SFT2D2: variants seen among roughly 807,000 people sequenced by gnomAD.
SFT2D2 encodes SFT2 domain containing 2, also known as vesicle transport protein SFT2B.
A neutral mutation model predicts 27.4 loss-of-function variants in SFT2D2; 21 were observed. The ratio of observed to expected loss-of-function variants is 0.77; its 90% CI spans 0.54 to 1.10. The LOEUF is 1.10. Ranked by LOEUF, SFT2D2 falls within the 50% of genes least tolerant of loss-of-function variation. The pLI is 0.00. For missense variants in SFT2D2, 187 were observed against 194.2 expected (o/e 0.96, Z 0.22); for synonymous variants, 72 against 71.7 (o/e 1.00, Z -0.02).
At chr1:168,240,957 C>A (rs1041143469) in intron 7 of SFT2D2, among the ~76,000 whole-genome samples, 4 of 152,146 alleles carry the variant, frequency 2.6e-5, no homozygotes, top group Non-Finnish European at 5.9e-5. Context: ...CAAATCAAGG[C>A]ATTAAACCCA....
In SFT2D2 at chr1:168,226,050, G is replaced by T; in HGVS notation, c.-30G>T. ...AGCGAGCGCAACAGGCTGCCGCTGA[G>T]GAGCTGGAGCTGGTGGGGACTGGGC... On this transcript the variant is annotated 5_prime_UTR_variant, in exon 1 of 8. In the 5' UTR this introduces an upstream ATG that the reference lacks. Transcript: ENST00000271375. 6.7e-7 allele frequency: 1 copy of T among 1,496,810 alleles called. No individual in the cohort carries two copies. The highest frequency in any genetic ancestry group is 1.4e-5 in the African/African-American group (1 of 69,280). The allele number at this position is 1,496,810 out of a possible 1,614,324, so 92.7% of individuals were successfully genotyped here. A position where few individuals can be genotyped will look rare whatever the true frequency, so the allele number is the denominator to read the frequency against.
intron 6 of SFT2D2, among the ~76,000 whole-genome samples, chr1:168,238,708 A>G (rs1558177525): frequency 6.6e-6 from 1 of 151,604 alleles, no homozygotes; most frequent in Non-Finnish European, 1.5e-5. Flanking sequence ...AAAAAAAAAA[A>G]TAAATAAATA....
chr1:168,241,357 C>A (rs898104843), intron 7 of SFT2D2, among the ~76,000 whole-genome samples: 2 of 151,720 alleles, frequency 1.3e-5, no homozygotes, highest in African/African-American at 4.8e-5. Flanking sequence ...ATGCCAGGCT[C>A]ATTTTTTGTA....
chr1:168,231,387 T>A, intron 1 of SFT2D2, 127 bp from the exon 2 acceptor site: 1 of 724,468 alleles, frequency 1.4e-6, no homozygotes, highest in South Asian at 1.8e-5. Flanking sequence ...TTACATCGCC[T>A]GAGTGTGTAG....
chr1:168,229,436 A>G (rs1343248389), intron 1 of SFT2D2, among the ~76,000 whole-genome samples: 2 of 152,216 alleles, frequency 1.3e-5, no homozygotes, highest in African/African-American at 4.8e-5. Flanking sequence ...GAAAGGTTGA[A>G]TCTTTTAAAA....
chr1:168,235,380 G>T (rs1647468200), intron 4 of SFT2D2, among the ~76,000 whole-genome samples, 198 bp downstream of exon 4: 1 of 152,158 alleles, frequency 6.6e-6, no homozygotes, highest in Admixed American at 6.5e-5. Flanking sequence ...TTGTGTTTCA[G>T]TGGGTGTCAA....
chr1:168,232,660 T>C (rs2102329306), intron 3 of SFT2D2, among the ~76,000 whole-genome samples: 1 of 152,304 alleles, frequency 6.6e-6, no homozygotes, highest in South Asian at 2.1e-4. Flanking sequence ...TTCCTCTTTG[T>C]CCCCATGGCT....
At chr1:168,238,913 T>G (rs1031435472) in intron 6 of SFT2D2, among the ~76,000 whole-genome samples, 1 of 152,204 alleles carries the variant, frequency 6.6e-6, no homozygotes, top group Non-Finnish European at 1.5e-5. Flanking sequence ...CCTTCTTCTG[T>G]GGCTGCCTAT....
rs1647446215 is a variant in SFT2D2, at chr1:168,234,973, C to T, written c.237-128C>T. On this transcript the variant is annotated intron_variant, in intron 3 of 7. Transcript: ENST00000271375. ...TGAGAAAAATGCACGAAAGGCCCTT[C>T]AGCACAGTCAGAATGAGAGCTTTTC... 8.4e-6 allele frequency: 7 copies of T among 833,510 alleles called. No individual in the cohort carries two copies. In the Admixed American group the frequency reaches 9.2e-5, roughly 11 times the overall value. 51.6% of individuals were successfully genotyped at this position (833,510 alleles called of 1,614,324 possible). A position where few individuals can be genotyped will look rare whatever the true frequency, so the allele number is the denominator to read the frequency against.
Position 168,237,336 on chromosome 1 carries a change from C to G in SFT2D2, c.413+566C>G, listed in dbSNP as rs141777875. ...AGAGGCTTGTTGGCTTTTGGTAATT[C>G]AGCTGAAGAGTAGGAAATTGTAACT... On this transcript the variant is annotated intron_variant, in intron 6 of 7. Transcript: ENST00000271375. Among the ~76,000 whole-genome samples, 376 of 152,246 alleles carry G rather than the reference C, an allele frequency of 2.5e-3. 2 individuals carry two copies. Among genetic ancestry groups the G allele is most frequent in the African/African-American group, 8.3e-3 (346 of 41,540 alleles).
At chr1:168,234,439 T>C (rs1475110670) in intron 3 of SFT2D2, among the ~76,000 whole-genome samples, 2 of 151,940 alleles carry the variant, frequency 1.3e-5, no homozygotes, top group African/African-American at 2.4e-5. Context: ...TGGGTCTGTC[T>C]TTTTAGAGCT....
rs1647722146 is a variant in SFT2D2 at position 168,243,899 on chromosome 1, C to T, written c.*1359C>T. The T allele has an allele frequency of 6.6e-6, 1 of 152,502 alleles. No individual in the cohort carries two copies. Among genetic ancestry groups the T allele is most frequent in the African/African-American group, 2.4e-5 (1 of 41,444 alleles). 9.4% of individuals were successfully genotyped at this position (152,502 alleles called of 1,614,324 possible). ...CCTGGATCTGCAGGATGTTCACTGT[C>T]CCTTGTGTTCCCTTTCAGCTCCTCC... is the stretch of plus-strand genomic sequence containing the variant. On this transcript the variant is annotated 3_prime_UTR_variant, in exon 8 of 8. Coordinates refer to ENST00000271375, the MANE Select transcript of SFT2D2 (RefSeq NM_199344.3).
chr1:168,237,712 T>C (rs1358755685), intron 6 of SFT2D2, among the ~76,000 whole-genome samples: 3 of 152,208 alleles, frequency 2.0e-5, no homozygotes, highest in Non-Finnish European at 2.9e-5. Context: ...ATCCCTCCCT[T>C]TAGCAATTTT....
chr1:168,227,885 TGAC>T (rs1700477285), intron 1 of SFT2D2, among the ~76,000 whole-genome samples: 1 of 152,226 alleles, frequency 6.6e-6, no homozygotes, highest in Non-Finnish European at 1.5e-5. Context: ...AGCAGTGGGC[TGAC>T]CCTCAACAGT....
Position 168,242,636 on chromosome 1 carries a change from G to T in SFT2D2, c.*96G>T. 7.0e-7 allele frequency: 1 copy of T among 1,426,216 alleles called. No homozygotes were observed. The highest frequency in any genetic ancestry group is 9.9e-7 in the Non-Finnish European group (1 of 1,009,760). The allele number at this position is 1,426,216 out of a possible 1,614,324, so 88.3% of individuals were successfully genotyped here. A position where few individuals can be genotyped will look rare whatever the true frequency, so the allele number is the denominator to read the frequency against. On this transcript the variant is annotated 3_prime_UTR_variant, in exon 8 of 8. Coordinates refer to ENST00000271375, the MANE Select transcript of SFT2D2 (RefSeq NM_199344.3). Reference sequence around the variant, plus strand: ...TTCGAAACCTCTGTCTTACAGACATGTGCCTTTTATCTTGCAGCAATGTGT... The same window carrying T: ...TTCGAAACCTCTGTCTTACAGACATTTGCCTTTTATCTTGCAGCAATGTGT...
intron 6 of SFT2D2, among the ~76,000 whole-genome samples, chr1:168,237,352 A>G (rs1647531821): frequency 6.6e-6 from 1 of 152,196 alleles, no homozygotes; most frequent in Admixed American, 6.5e-5. Context: ...AAGAGTAGGA[A>G]ATTGTAACTC....
intron 3 of SFT2D2, 134 bp downstream of exon 3, chr1:168,232,053 A>C: frequency 2.1e-5 from 14 of 681,998 alleles, no homozygotes; most frequent in Non-Finnish European, 3.1e-5. Context: ...AGAATATCTC[A>C]CATTCATATC....
chr1:168,232,071 T>C (rs1307342955), intron 3 of SFT2D2, 152 bp downstream of exon 3: 20 of 651,818 alleles, frequency 3.1e-5, no homozygotes, highest in Non-Finnish European at 4.6e-5. Context: ...ATCTTATTAT[T>C]TGAAAACATT....
chr1:168,228,371 A>G (rs1700482352), intron 1 of SFT2D2, among the ~76,000 whole-genome samples: 1 of 152,204 alleles, frequency 6.6e-6, no homozygotes, highest in Non-Finnish European at 1.5e-5. Context: ...GGTCACTAGA[A>G]GAGAGTGCTT....
Sources: allele counts gnomAD v4.1 joint callset (sites outside exome capture counted in the v4.1 genomes callset), GRCh38; gene constraint gnomAD v4.1.1; transcripts MANE v1.5; gene names NCBI Gene and HGNC (gene_info 2026-07-23, HGNC 2026-07-21).